CNNM2: variants seen among roughly 807,000 people sequenced by gnomAD.
CNNM2 encodes cyclin and CBS domain divalent metal cation transport mediator 2.
A neutral mutation model predicts 66.9 loss-of-function variants in CNNM2; 12 were observed. The observed-to-expected ratio is 0.18, with a 90% CI of 0.11 to 0.29. CNNM2 has a LOEUF of 0.29. Ranked by LOEUF, CNNM2 falls within the 10% of genes least tolerant of loss-of-function variation. The pLI, the probability that CNNM2 is intolerant of heterozygous loss-of-function variation, is 1.00. For missense variants in CNNM2, 705 were observed against 1,167.7 expected, an observed-to-expected ratio of 0.60 and a Z score of 5.77; for synonymous variants, 557 against 501.8, an observed-to-expected ratio of 1.11 and a Z score of -1.47.
At position 102,958,366 on chromosome 10, in the gene CNNM2, C is replaced by T. The variant is rs552184561; in HGVS notation, c.1621+38265C>T. ...CAAGTGAATATGATTTGAAGTTGGA[C>T]GGTTTTTGGTATGTCTTCATCTTTT... On this transcript the variant is annotated intron_variant, in intron 1 of 7. Transcript: ENST00000369878. Among the ~76,000 whole-genome samples, 95 of 150,508 alleles carry T rather than the reference C, an allele frequency of 6.3e-4. 1 individual carries two copies. Among genetic ancestry groups the T allele is most frequent in the Admixed American group, 3.4e-3 (51 of 15,034 alleles).
chr10:103,006,932 C>T lies in CNNM2; in HGVS notation c.1622-42775C>T, dbSNP rs150008559. Among the ~76,000 whole-genome samples the T allele has an allele frequency of 3.5e-4, 54 of 152,312 alleles. No homozygotes were observed. In the East Asian group the frequency reaches 9.2e-3, roughly 26 times the overall value. ...AAGGTGTGAGCCTCCACCCCTGGCC[C>T]ATTTATATGATTTTAATTTTTGAGG... On this transcript the variant is annotated intron_variant, in intron 1 of 7. Coordinates refer to ENST00000369878, the MANE Select transcript of CNNM2 (RefSeq NM_017649.5).
chr10:102,949,075 A>G (rs1218745389), intron 1 of CNNM2, among the ~76,000 whole-genome samples: 1 of 152,142 alleles, frequency 6.6e-6, no homozygotes, highest in Admixed American at 6.5e-5. Flanking sequence ...TCTGACTGAC[A>G]CAGCACCAAC....
rs1354726353 is a variant in CNNM2 at position 102,920,049 on chromosome 10, C to T, written c.1569C>T (p.His523=). The T allele has an allele frequency of 9.9e-6, 16 of 1,614,110 alleles. No homozygotes were observed. Among genetic ancestry groups the T allele is most frequent in the South Asian group, 9.9e-5 (9 of 91,092 alleles). ...CCAAATTTTATAACCACCCCTTGCACTTTGTTTTCAATGACACCAAGTTGG... is the reference window on the plus strand; with the variant it reads ...CCAAATTTTATAACCACCCCTTGCATTTTGTTTTCAATGACACCAAGTTGG... ...TITKFYNHPL[H]FVFNDTKLDA... is the part of the protein sequence containing the mutation. Residue 523 remains histidine (H), a synonymous_variant, in exon 1 of 8, where the codon CAC becomes CAT. Coordinates refer to ENST00000369878, the MANE Select transcript of CNNM2 (RefSeq NM_017649.5).
intron 1 of CNNM2, among the ~76,000 whole-genome samples, chr10:102,922,361 C>A (rs536193053): frequency 2.0e-5 from 3 of 152,034 alleles, no homozygotes; most frequent in Admixed American, 6.5e-5. Flanking sequence ...GTTACTTTAA[C>A]CTTACTGTCA....
intron 4 of CNNM2, among the ~76,000 whole-genome samples, chr10:103,067,096 C>CTTTTTTTTTTT (rs987865731): frequency 7.1e-6 from 1 of 141,562 alleles, no homozygotes. Flanking sequence ...GGCATAGCAT[C>CTTTTTTTTTTT]TTTTTTTTTT....
chr10:102,971,641 A>G (rs1428797201), intron 1 of CNNM2, among the ~76,000 whole-genome samples: 1 of 152,178 alleles, frequency 6.6e-6, no homozygotes, highest in Non-Finnish European at 1.5e-5. Context: ...GGCCCAGGGT[A>G]TGGTGGCTGT....
chr10:102,997,962 A>C (rs1037153773), intron 1 of CNNM2, among the ~76,000 whole-genome samples: 1 of 152,202 alleles, frequency 6.6e-6, no homozygotes, highest in Non-Finnish European at 1.5e-5. Flanking sequence ...AGTCATGTTT[A>C]ACATGACTTG....
intron 7 of CNNM2, among the ~76,000 whole-genome samples, chr10:103,076,566 C>T (rs1459638421): frequency 6.6e-6 from 1 of 152,224 alleles, no homozygotes; most frequent in Non-Finnish European, 1.5e-5. Context: ...CAAAGAGCTC[C>T]TGGGTGCGTG....
chr10:103,032,318 G>A (rs1035161903), intron 1 of CNNM2, among the ~76,000 whole-genome samples: 3 of 152,090 alleles, frequency 2.0e-5, no homozygotes, highest in Non-Finnish European at 4.4e-5. Flanking sequence ...GGGCGTGATG[G>A]TGCACATCTG....
chr10:103,073,096 C>T (rs1012860332), intron 6 of CNNM2, among the ~76,000 whole-genome samples: 4 of 152,206 alleles, frequency 2.6e-5, no homozygotes, highest in Non-Finnish European at 2.9e-5. Flanking sequence ...CTCGCGCTGG[C>T]GCCCGTCGAG....
chr10:103,026,260 A>G (rs1486015982), intron 1 of CNNM2, among the ~76,000 whole-genome samples: 1 of 152,234 alleles, frequency 6.6e-6, no homozygotes, highest in Non-Finnish European at 1.5e-5. Flanking sequence ...TTAAGTTTTT[A>G]TAATACTTAA....
chr10:102,989,689 G>T, intron 1 of CNNM2, among the ~76,000 whole-genome samples: 1 of 151,976 alleles, frequency 6.6e-6, no homozygotes, highest in East Asian at 2.0e-4. Flanking sequence ...TGTGGTCCCA[G>T]CTACTTGGGA....
chr10:103,003,117 T>TA (rs2064154895), intron 1 of CNNM2, among the ~76,000 whole-genome samples: 2 of 228 alleles, frequency 8.8e-3, no homozygotes, highest in Non-Finnish European at 0.013. Flanking sequence ...TGTGTGAATC[T>TA]TTTTTTTTTT....
In CNNM2 at chr10:103,076,112, T is replaced by C. The variant is rs904188316; in HGVS notation, c.2260T>C (p.Cys754Arg). The C allele has an allele frequency of 2.5e-6, 4 of 1,612,084 alleles. No homozygotes were observed. Among genetic ancestry groups the C allele is most frequent in the Admixed American group, 1.7e-5 (1 of 59,776 alleles). Residue 754 changes from cysteine to arginine, a missense_variant, in exon 7 of 8, where the codon TGT (cysteine) becomes CGT (arginine). Physicochemically the swap from Cys to Arg is radical, Grantham distance 180. Transcript: ENST00000369878. Reference protein sequence around the residue: ...PGENKSPPRPCGLNHSDSLSR... With the variant: ...PGENKSPPRPRGLNHSDSLSR... ...TGAAAATAAGTCCCCTCCTCGCCCA[T>C]GTGGCTTGAATCACTCAGACTCTCT...
rs200326048 is a variant in CNNM2, at chr10:102,937,820, T to TCC, written c.1621+17721_1621+17722dup. On this transcript the variant is annotated intron_variant, in intron 1 of 7. Coordinates refer to ENST00000369878, the MANE Select transcript of CNNM2 (RefSeq NM_017649.5). ...TTCTTTTTTTGGTAGAGACAGGCTC[T>TCC]CCCTATGTTGCCCAGGCTGGTCTCA... 5.7e-3 allele frequency among the ~76,000 whole-genome samples: 872 copies of TCC among 151,678 alleles called. 7 individuals are homozygous for TCC. Among genetic ancestry groups the TCC allele is most frequent in the African/African-American group, 0.02 (822 of 41,398 alleles).
At chr10:102,953,326 G>A (rs1250755243) in intron 1 of CNNM2, among the ~76,000 whole-genome samples, 3 of 151,416 alleles carry the variant, frequency 2.0e-5, no homozygotes, top group Non-Finnish European at 4.4e-5. Context: ...ATGCGACCTC[G>A]GCTTGCTGCA....
intron 1 of CNNM2, among the ~76,000 whole-genome samples, chr10:102,946,676 C>T (rs1175207903): frequency 6.6e-6 from 1 of 152,152 alleles, no homozygotes; most frequent in East Asian, 1.9e-4. Flanking sequence ...AATAATTGAA[C>T]ACCCGTGAGG....
chr10:103,015,879 A>G (rs538480108), intron 1 of CNNM2, among the ~76,000 whole-genome samples: 3 of 151,876 alleles, frequency 2.0e-5, no homozygotes, highest in Non-Finnish European at 4.4e-5. Flanking sequence ...AAAACAAACA[A>G]AAAACTCAGA....
At chr10:102,951,245 G>C (rs888012953) in intron 1 of CNNM2, among the ~76,000 whole-genome samples, 6 of 151,722 alleles carry the variant, frequency 4.0e-5, no homozygotes, top group Admixed American at 2.0e-4. Context: ...CACCCAGGCT[G>C]GAGTGTAGTG....
Sources: gnomAD v4.1 joint callset for allele counts (sites outside exome capture counted in the v4.1 genomes callset) on GRCh38, gnomAD v4.1.1 for gene constraint, MANE v1.5 for transcripts, NCBI Gene and HGNC (gene_info 2026-07-23, HGNC 2026-07-21) for gene names.